The following TMEM178B variants were observed in gnomAD, a reference collection of about 807,000 sequenced individuals.
TMEM178B encodes transmembrane protein 178B.
A neutral mutation model predicts 31.0 loss-of-function variants in TMEM178B; 5 were observed. That is an observed-to-expected ratio of 0.16 (90% CI 0.08 to 0.34). TMEM178B has a LOEUF of 0.34. Among genes scored for constraint, TMEM178B ranks in the 10% least tolerant of loss-of-function variants. TMEM178B has a pLI of 1.00. For missense variants in TMEM178B, 275 were observed against 400.3 expected, an observed-to-expected ratio of 0.69 and a Z score of 2.67; for synonymous variants, 164 against 164.0, an observed-to-expected ratio of 1.00 and a Z score of 0.00.
At chr7:141,324,714 C>T (rs1312868578) in intron 2 of TMEM178B, among the ~76,000 whole-genome samples, 1 of 151,958 alleles carries the variant, frequency 6.6e-6, no homozygotes, top group Admixed American at 6.6e-5. Flanking sequence ...GCATATCATC[C>T]CTTTCAAGAA....
chr7:141,149,838 C>T (rs1475020738), intron 1 of TMEM178B, among the ~76,000 whole-genome samples: 1 of 152,186 alleles, frequency 6.6e-6, no homozygotes, highest in Non-Finnish European at 1.5e-5. Flanking sequence ...TCGATTTTGT[C>T]CTTCTGGCTC....
At chr7:141,166,141 G>T (rs535553614) in intron 1 of TMEM178B, among the ~76,000 whole-genome samples, 1 of 152,176 alleles carries the variant, frequency 6.6e-6, no homozygotes, top group African/African-American at 2.4e-5. Context: ...TCAGACTCTG[G>T]GCCAGTAGAC....
intron 2 of TMEM178B, among the ~76,000 whole-genome samples, chr7:141,235,204 A>G (rs1797509382): frequency 6.6e-6 from 1 of 152,228 alleles, no homozygotes; most frequent in Admixed American, 6.5e-5. Flanking sequence ...TTTCAGAATC[A>G]TTAAATGAAG....
chr7:141,499,661 CA>C, the TMEM178B span, among the ~76,000 whole-genome samples: 1 of 151,728 alleles, frequency 6.6e-6, no homozygotes, highest in East Asian at 1.9e-4. Flanking sequence ...AAAAAAACCC[CA>C]CAAAAGATAA....
chr7:141,424,630 T>C (rs190603354), intron 2 of TMEM178B, among the ~76,000 whole-genome samples: 34 of 152,244 alleles, frequency 2.2e-4, no homozygotes, highest in African/African-American at 7.7e-4. Context: ...CACATCCTTA[T>C]TGTAGAAAAG....
intron 3 of TMEM178B, among the ~76,000 whole-genome samples, chr7:141,444,475 A>G (rs963798624): frequency 6.6e-6 from 1 of 152,186 alleles, no homozygotes; most frequent in African/African-American, 2.4e-5. Flanking sequence ...CCCTTTCACA[A>G]GATTTCTTGT....
the TMEM178B span, among the ~76,000 whole-genome samples, chr7:141,502,007 G>A: frequency 6.6e-6 from 1 of 152,134 alleles, no homozygotes; most frequent in Non-Finnish European, 1.5e-5. Context: ...CTTCAAAGCT[G>A]AGAGAAGATG....
At chr7:141,393,087 A>G (rs553541429) in intron 2 of TMEM178B, among the ~76,000 whole-genome samples, 42 of 152,240 alleles carry the variant, frequency 2.8e-4, no homozygotes, top group Middle Eastern at 3.4e-3. Flanking sequence ...AATTCACAGT[A>G]TGTATGATAA....
chr7:141,092,527 G>A (rs1319467524), intron 1 of TMEM178B, among the ~76,000 whole-genome samples: 1 of 152,150 alleles, frequency 6.6e-6, no homozygotes, highest in Non-Finnish European at 1.5e-5. Flanking sequence ...CCTTCATGAT[G>A]CATGGGTAAA....
chr7:141,503,140 T>C, the TMEM178B span, among the ~76,000 whole-genome samples: 22 of 152,314 alleles, frequency 1.4e-4, no homozygotes, highest in East Asian at 4.2e-3. Flanking sequence ...ATGTGGAAGG[T>C]TGCCCATTGA....
chr7:141,274,875 C>A (rs1033890737), intron 2 of TMEM178B, among the ~76,000 whole-genome samples: 5 of 152,146 alleles, frequency 3.3e-5, no homozygotes, highest in Admixed American at 2.6e-4. Context: ...CTAATGGCAG[C>A]GCTGCCTGGG....
chr7:141,105,323 C>T lies in TMEM178B; in HGVS notation c.382+30631C>T, dbSNP rs577447149. On this transcript the variant is annotated intron_variant, in intron 1 of 3. Transcript: ENST00000565468. ...AGGAGTTCAAGACCAGCCTGGCCAA[C>T]GTGGTGAAACCCTGTCTCTACTAAA... Among the ~76,000 whole-genome samples the T allele has an allele frequency of 1.1e-4, 17 of 152,204 alleles. No homozygotes were observed. The South Asian group carries it at 1.2e-3, about 11-fold the overall frequency.
chr7:141,453,753 G>C (rs1801909332), intron 3 of TMEM178B, among the ~76,000 whole-genome samples: 1 of 152,184 alleles, frequency 6.6e-6, no homozygotes, highest in Non-Finnish European at 1.5e-5. Flanking sequence ...ATCTATCAAA[G>C]GAAACTGCTC....
chr7:141,313,908 C>CA (rs1798956794), intron 2 of TMEM178B, among the ~76,000 whole-genome samples: 1 of 152,078 alleles, frequency 6.6e-6, no homozygotes, highest in African/African-American at 2.4e-5. Flanking sequence ...TCAGCATGTG[C>CA]AAAAATCACT....
chr7:141,361,061 T>C (rs1405483657), intron 2 of TMEM178B, among the ~76,000 whole-genome samples: 4 of 152,152 alleles, frequency 2.6e-5, no homozygotes, highest in Non-Finnish European at 4.4e-5. Context: ...TCAAAAGCAT[T>C]AAGCCAGGAA....
chr7:141,410,793 C>A (rs1041516158), intron 2 of TMEM178B, among the ~76,000 whole-genome samples: 1 of 152,112 alleles, frequency 6.6e-6, no homozygotes, highest in Admixed American at 6.6e-5. Flanking sequence ...TTGCTGTTGC[C>A]ATGACGATCG....
chr7:141,183,917 G>T (rs1796569208), intron 1 of TMEM178B, among the ~76,000 whole-genome samples: 1 of 152,190 alleles, frequency 6.6e-6, no homozygotes, highest in African/African-American at 2.4e-5. Flanking sequence ...GCCAGGTTTG[G>T]CCTCAGCAAA....
In TMEM178B at chr7:141,475,972, C is replaced by T. The variant is rs1034906014; in HGVS notation, c.*5186C>T. ...CTCCATACTTGAACTTCCTCATCTA[C>T]AAAATGAGGATAAGTGATAACACCT... is the stretch of plus-strand genomic sequence containing the variant. On this transcript the variant is annotated 3_prime_UTR_variant, in exon 4 of 4. Coordinates refer to ENST00000565468, the MANE Select transcript of TMEM178B (RefSeq NM_001195278.2). 2.6e-5 allele frequency: 4 copies of T among 152,162 alleles called. No individual in the cohort carries two copies. Among genetic ancestry groups the T allele is most frequent in the African/African-American group, 9.7e-5 (4 of 41,446 alleles). The allele number at this position is 152,162 out of a possible 1,614,324, so 9.4% of individuals were successfully genotyped here.
At chr7:141,330,201 A>C (rs1354965134) in intron 2 of TMEM178B, among the ~76,000 whole-genome samples, 3 of 152,142 alleles carry the variant, frequency 2.0e-5, no homozygotes. Flanking sequence ...ATGGTTTGCT[A>C]TACCTGTCAA....
Sources: allele counts gnomAD v4.1 joint callset (sites outside exome capture counted in the v4.1 genomes callset), GRCh38; gene constraint gnomAD v4.1.1; transcripts MANE v1.5; gene names NCBI Gene and HGNC (gene_info 2026-07-23, HGNC 2026-07-21).